ZBTB20: variants seen among roughly 807,000 people sequenced by gnomAD.
ZBTB20 encodes the protein zinc finger and BTB domain containing 20.
Under a neutral mutation model 56.9 loss-of-function variants are expected in ZBTB20, and 9 were observed. The ratio of observed to expected loss-of-function variants is 0.16; its 90% CI spans 0.10 to 0.28. The LOEUF is 0.28. ZBTB20 is among the 10% of genes least tolerant of loss of function. The pLI, the probability that ZBTB20 is intolerant of heterozygous loss-of-function variation, is 1.00. For synonymous variants in ZBTB20, 417 were observed against 420.7 expected, an observed-to-expected ratio of 0.99 and a Z score of 0.11; for missense variants, 655 against 1,003.0, an observed-to-expected ratio of 0.65 and a Z score of 4.69.
chr3:114,693,012 G>A (rs1158663842), intron 6 of ZBTB20, among the ~76,000 whole-genome samples: 3 of 152,126 alleles, frequency 2.0e-5, no homozygotes, highest in African/African-American at 4.8e-5. Context: ...TGAAGCAAAT[G>A]CATTTCAAAT....
At chr3:114,764,741 G>A (rs2068671218) in intron 5 of ZBTB20, among the ~76,000 whole-genome samples, 2 of 152,098 alleles carry the variant, frequency 1.3e-5, no homozygotes, top group South Asian at 4.1e-4. Context: ...TTAGTTTTCT[G>A]TAAGGAGAAA....
At chr3:114,653,086 A>G (rs1343661603) in intron 6 of ZBTB20, among the ~76,000 whole-genome samples, 1 of 151,942 alleles carries the variant, frequency 6.6e-6, no homozygotes, top group East Asian at 1.9e-4. Context: ...GTGAATAAAC[A>G]CAATGTTACT....
chr3:114,725,315 T>C (rs2065194157), intron 5 of ZBTB20, among the ~76,000 whole-genome samples: 1 of 152,208 alleles, frequency 6.6e-6, no homozygotes. Flanking sequence ...ATTATCTTCA[T>C]CTCTTTTCAT....
intron 6 of ZBTB20, among the ~76,000 whole-genome samples, chr3:114,671,376 T>C (rs2061350229): frequency 6.6e-6 from 1 of 152,106 alleles, no homozygotes; most frequent in Non-Finnish European, 1.5e-5. Context: ...GTATTCTTTT[T>C]CTTCAAGAGG....
At chr3:114,363,855 AAG>A (rs1475336500) in intron 10 of ZBTB20, among the ~76,000 whole-genome samples, 1 of 152,170 alleles carries the variant, frequency 6.6e-6, no homozygotes, top group Non-Finnish European at 1.5e-5. Context: ...CTGCTCCCTA[AAG>A]TGGTATTTTG....
At chr3:115,054,707 A>G (rs1266515987) in intron 2 of ZBTB20, among the ~76,000 whole-genome samples, 2 of 152,146 alleles carry the variant, frequency 1.3e-5, no homozygotes, top group African/African-American at 4.8e-5. Context: ...TGACACTTTG[A>G]TTATTATAAA....
At chr3:114,889,341 A>G (rs2076721005) in intron 4 of ZBTB20, among the ~76,000 whole-genome samples, 1 of 151,968 alleles carries the variant, frequency 6.6e-6, no homozygotes, top group African/African-American at 2.4e-5. Flanking sequence ...TTTTAACTTA[A>G]GAGTTGTGCA....
At chr3:114,674,196 G>A (rs989568127) in intron 6 of ZBTB20, among the ~76,000 whole-genome samples, 3 of 152,154 alleles carry the variant, frequency 2.0e-5, no homozygotes, top group Non-Finnish European at 2.9e-5. Flanking sequence ...TTAAACCACA[G>A]AAAGGAAAAT....
At chr3:114,347,077 G>GTTTTTT (rs59044965) in intron 11 of ZBTB20, among the ~76,000 whole-genome samples, 2 of 71,066 alleles carry the variant, frequency 2.8e-5, no homozygotes, top group African/African-American at 6.5e-5. Flanking sequence ...TTCTCTTCAG[G>GTTTTTT]TTTTTTTTTT....
intron 2 of ZBTB20, among the ~76,000 whole-genome samples, chr3:114,993,739 C>A (rs1282873946): frequency 2.0e-5 from 3 of 151,634 alleles, no homozygotes; most frequent in Non-Finnish European, 4.4e-5. Context: ...ATATCAAAAC[C>A]TGTGGGATGC....
rs2080684175 is a variant in ZBTB20, at chr3:114,351,661, G to A, written c.417C>T (p.Asp139=). The A allele has an allele frequency of 1.2e-6, 2 of 1,614,010 alleles. No individual in the cohort carries two copies. Among genetic ancestry groups the A allele is most frequent in the South Asian group, 1.1e-5 (1 of 91,090 alleles). ...FQDKLLLGYS[D]IEIPSVVSVQ... Reference sequence around the variant, plus strand: ...CTGACACCACCGACGGGATCTCGATGTCGCTGTAGCCAAGCAGCAGTTTGT... The same window carrying A: ...CTGACACCACCGACGGGATCTCGATATCGCTGTAGCCAAGCAGCAGTTTGT... Residue 139 remains aspartate, a synonymous_variant, in exon 11 of 12, where the codon GAC becomes GAT. Coordinates refer to ENST00000675478, the MANE Select transcript of ZBTB20 (RefSeq NM_001348800.3).
At chr3:114,636,802 A>T (rs543740788) in intron 6 of ZBTB20, among the ~76,000 whole-genome samples, 3 of 152,074 alleles carry the variant, frequency 2.0e-5, no homozygotes, top group African/African-American at 7.2e-5. Flanking sequence ...GGCAGTAATA[A>T]GTTCTCACCT....
intron 6 of ZBTB20, among the ~76,000 whole-genome samples, chr3:114,533,951 C>T (rs879041034): frequency 6.6e-6 from 1 of 152,144 alleles, no homozygotes; most frequent in African/African-American, 2.4e-5. Context: ...GAGATTTTGT[C>T]ACCACTAGGC....
chr3:114,782,671 A>T (rs80290122), intron 5 of ZBTB20, among the ~76,000 whole-genome samples: 5,418 of 152,284 alleles, frequency 0.036, 329 homozygotes, highest in African/African-American at 0.12. Context: ...AGAGTCCTAG[A>T]TAATGTGTTG....
At chr3:114,774,037 T>C (rs536360788) in intron 5 of ZBTB20, among the ~76,000 whole-genome samples, 1 of 152,288 alleles carries the variant, frequency 6.6e-6, no homozygotes, top group East Asian at 1.9e-4. Flanking sequence ...GCATTGAAGA[T>C]TTAGAAAAGT....
intron 3 of ZBTB20, among the ~76,000 whole-genome samples, chr3:114,925,683 C>T (rs375177104): frequency 0.01 from 1,585 of 152,136 alleles, 30 homozygotes; most frequent in South Asian, 0.067. Flanking sequence ...CCCGCCACCA[C>T]ACCTGGCTAA....
At chr3:114,601,888 G>A (rs146978994) in intron 6 of ZBTB20, among the ~76,000 whole-genome samples, 360 of 152,034 alleles carry the variant, frequency 2.4e-3, no homozygotes, top group Non-Finnish European at 4.1e-3. Context: ...ATGAGAGTTC[G>A]AGTGCCAACC....
intron 3 of ZBTB20, among the ~76,000 whole-genome samples, chr3:114,917,504 TG>T (rs2075790149): frequency 6.6e-6 from 1 of 152,160 alleles, no homozygotes; most frequent in Non-Finnish European, 1.5e-5. Context: ...CCACCCTTCT[TG>T]GGGAAGCATT....
intron 2 of ZBTB20, among the ~76,000 whole-genome samples, chr3:115,002,949 T>A (rs1180251436): frequency 1.3e-5 from 2 of 151,582 alleles, no homozygotes; most frequent in Non-Finnish European, 3.0e-5. Context: ...AATTTCTACA[T>A]CCATACAATG....
Sources: gnomAD v4.1 joint callset for allele counts (sites outside exome capture counted in the v4.1 genomes callset) on GRCh38, gnomAD v4.1.1 for gene constraint, MANE v1.5 for transcripts, NCBI Gene and HGNC (gene_info 2026-07-23, HGNC 2026-07-21) for gene names.